The following MED15 variants were observed in gnomAD, a reference collection of about 807,000 sequenced individuals.
MED15 encodes the protein mediator of RNA polymerase II transcription subunit 15.
In MED15, 41 loss-of-function variants were observed where a neutral mutation model predicts 118.7. The ratio of observed to expected loss-of-function variants is 0.35; its 90% CI spans 0.27 to 0.45. The LOEUF is 0.45. MED15 is among the 20% of genes least tolerant of loss of function. MED15 has a pLI of 1.00. For synonymous variants in MED15, 436 were observed against 413.9 expected (o/e 1.05, Z -0.65); for missense variants, 740 against 1,025.5 (o/e 0.72, Z 3.80).
intron 2 of MED15, among the ~76,000 whole-genome samples, chr22:20,548,036 C>T (rs2055621070): frequency 6.6e-6 from 1 of 152,160 alleles, no homozygotes; most frequent in African/African-American, 2.4e-5. Context: ...ATAAAATTCA[C>T]TGAGTTGCCC....
intron 5 of MED15, among the ~76,000 whole-genome samples, chr22:20,558,725 T>C (rs576634373): frequency 1.2e-4 from 18 of 152,194 alleles, no homozygotes; most frequent in Middle Eastern, 6.8e-3. Flanking sequence ...ATTCCTGTAG[T>C]CAGCCAGGAT....
chr22:20,536,761 G>A (rs1405298477), intron 1 of MED15, among the ~76,000 whole-genome samples: 2 of 152,204 alleles, frequency 1.3e-5, no homozygotes, highest in Non-Finnish European at 2.9e-5. Context: ...GCAGGAAATA[G>A]AGGCCAGCTG....
At chr22:20,567,348 C>G (rs2056480917) in intron 7 of MED15, among the ~76,000 whole-genome samples, 1 of 152,204 alleles carries the variant, frequency 6.6e-6, no homozygotes, top group Non-Finnish European at 1.5e-5. Flanking sequence ...CAAAGCCAGT[C>G]TACTCAGTGA....
intron 1 of MED15, among the ~76,000 whole-genome samples, chr22:20,536,641 G>A (rs2055091690): frequency 1.3e-5 from 2 of 152,158 alleles, no homozygotes; most frequent in African/African-American, 2.4e-5. Context: ...GCCTTGGGAG[G>A]GACTGAGAGA....
intron 9 of MED15, among the ~76,000 whole-genome samples, chr22:20,579,578 T>C (rs1453924057): frequency 6.6e-6 from 1 of 151,986 alleles, no homozygotes; most frequent in Non-Finnish European, 1.5e-5. Flanking sequence ...TGCCTGAGGG[T>C]TCCTCTGTGA....
chr22:20,564,344 G>T (rs941902456), intron 5 of MED15, 106 bp from the exon 6 acceptor site: 2 of 1,535,518 alleles, frequency 1.3e-6, no homozygotes, highest in Non-Finnish European at 1.8e-6. Flanking sequence ...AGCGGCAGCC[G>T]TGGCAGTGGG....
At chr22:20,582,449 G>A in intron 9 of MED15, 162 bp from the exon 10 acceptor site, 1 of 1,154,808 alleles carries the variant, frequency 8.7e-7, no homozygotes, top group Non-Finnish European at 1.2e-6. Flanking sequence ...TGCCAGGCTG[G>A]GGGAGTGTGC....
chr22:20,549,158 T>C (rs531609334), intron 2 of MED15, among the ~76,000 whole-genome samples: 2 of 152,352 alleles, frequency 1.3e-5, no homozygotes, highest in East Asian at 3.9e-4. Flanking sequence ...GTGTTAGTAG[T>C]ACCTGCCTCT....
intron 1 of MED15, among the ~76,000 whole-genome samples, chr22:20,511,078 T>C (rs2054047654): frequency 6.6e-6 from 1 of 152,118 alleles, no homozygotes. Flanking sequence ...GCTCATAGGG[T>C]TAAAAAAAGA....
intron 17 of MED15, 150 bp from the exon 18 acceptor site, chr22:20,586,418 G>A (rs948699204): frequency 3.2e-5 from 37 of 1,153,588 alleles, no homozygotes; most frequent in Non-Finnish European, 4.3e-5. Context: ...TCTGGGAGGA[G>A]AGCCCAAAGG....
chr22:20,553,097 A>G, intron 3 of MED15, 48 bp from the exon 4 acceptor site: 2 of 1,558,620 alleles, frequency 1.3e-6, no homozygotes, highest in South Asian at 1.1e-5. Context: ...ATATGTGGTT[A>G]TATAAAACTA....
intron 5 of MED15, among the ~76,000 whole-genome samples, chr22:20,559,917 C>T (rs1485178523): frequency 2.0e-5 from 3 of 152,118 alleles, no homozygotes; most frequent in Non-Finnish European, 4.4e-5. Context: ...GGAAAAGAAA[C>T]GTTGAGCATA....
chr22:20,538,948 G>A (rs575332412), intron 2 of MED15, among the ~76,000 whole-genome samples: 4 of 152,084 alleles, frequency 2.6e-5, no homozygotes, highest in South Asian at 4.2e-4. Context: ...TGATCCGCCC[G>A]CCTCAGCCTC....
chr22:20,585,221 T>G lies in MED15; in HGVS notation c.2085T>G (p.Pro695=). 6.2e-7 allele frequency: 1 copy of G among 1,613,680 alleles called. No individual in the cohort carries two copies. Among genetic ancestry groups the G allele is most frequent in the Non-Finnish European group, 8.5e-7 (1 of 1,180,000 alleles). The change falls in exon 16 of 18, where the codon CCT becomes CCG. Residue 695 remains proline (P), a synonymous_variant. Transcript: ENST00000263205. The part of the protein sequence containing the change: ...LDPKFLVNLD[P]SHCSNNGTVH... ...CCAAGTTCCTGGTAAACCTGGACCC[T>G]TCTCACTGCAGCAACAATGGCACTG...
At chr22:20,516,488 AC>A (rs1601443572) in intron 1 of MED15, among the ~76,000 whole-genome samples, 1 of 151,794 alleles carries the variant, frequency 6.6e-6, no homozygotes, top group Non-Finnish European at 1.5e-5. Context: ...GCCAACCAGT[AC>A]CCCCCAGACC....
At chr22:20,544,559 C>G (rs533041152) in intron 2 of MED15, among the ~76,000 whole-genome samples, 1 of 151,950 alleles carries the variant, frequency 6.6e-6, no homozygotes, top group East Asian at 1.9e-4. Context: ...CCCAGCTACT[C>G]GGGAGGCTGA....
chr22:20,584,085 G>C (rs960171134), intron 13 of MED15: 9 of 517,890 alleles, frequency 1.7e-5, no homozygotes, highest in African/African-American at 1.2e-4. Flanking sequence ...GGCAGGGACT[G>C]GCCTACATGA....
At chr22:20,536,502 G>A (rs555799262) in intron 1 of MED15, among the ~76,000 whole-genome samples, 25 of 152,234 alleles carry the variant, frequency 1.6e-4, no homozygotes, top group African/African-American at 5.5e-4. Flanking sequence ...TTGGTAAATG[G>A]GTTTTTAAAG....
intron 1 of MED15, among the ~76,000 whole-genome samples, chr22:20,534,286 G>A (rs780321928): frequency 2.0e-5 from 3 of 152,008 alleles, no homozygotes; most frequent in Non-Finnish European, 4.4e-5. Context: ...GGAGGCCAAG[G>A]TGGAGGATCA....
Sources: gnomAD v4.1 joint callset for allele counts (sites outside exome capture counted in the v4.1 genomes callset) on GRCh38, gnomAD v4.1.1 for gene constraint, MANE v1.5 for transcripts, NCBI Gene and HGNC (gene_info 2026-07-23, HGNC 2026-07-21) for gene names.